LSAMP: variants seen among roughly 807,000 people sequenced by gnomAD.
The protein encoded by LSAMP is limbic system associated membrane protein, also known as limbic system-associated membrane protein.
In LSAMP, 7 loss-of-function variants were observed where a neutral mutation model predicts 38.6. That is an observed-to-expected ratio of 0.18 (90% CI 0.10 to 0.34). The LOEUF is 0.34. Ranked by LOEUF, LSAMP falls within the 10% of genes least tolerant of loss-of-function variation. The pLI is 1.00. For missense variants in LSAMP, 313 were observed against 420.0 expected, an observed-to-expected ratio of 0.75 and a Z score of 2.23; for synonymous variants, 154 against 166.8, an observed-to-expected ratio of 0.92 and a Z score of 0.59.
At chr3:116,057,031 A>T (rs1323042514) in intron 2 of LSAMP, among the ~76,000 whole-genome samples, 1 of 152,134 alleles carries the variant, frequency 6.6e-6, no homozygotes, top group African/African-American at 2.4e-5. Flanking sequence ...TGAGGTTTGC[A>T]TATATCATTT....
chr3:116,175,999 T>A (rs879517112), intron 1 of LSAMP, among the ~76,000 whole-genome samples: 4 of 152,116 alleles, frequency 2.6e-5, no homozygotes, highest in Non-Finnish European at 5.9e-5. Context: ...GTAGAGGAGC[T>A]TTGGAGGTCA....
intron 1 of LSAMP, among the ~76,000 whole-genome samples, chr3:116,428,260 C>T (rs1054608038): frequency 6.6e-6 from 1 of 152,030 alleles, no homozygotes; most frequent in Admixed American, 6.6e-5. Context: ...GAGATCAAGA[C>T]CATCCTGGCC....
rs908346610 is a variant in LSAMP at position 115,808,367 on chromosome 3, C to T, written c.*1950G>A. 1.3e-5 allele frequency: 2 copies of T among 151,970 alleles called. No homozygotes were observed. The highest frequency in any genetic ancestry group is 4.8e-5 in the African/African-American group (2 of 41,350). 9.4% of individuals were successfully genotyped at this position (151,970 alleles called of 1,614,324 possible). Reference sequence around the variant, plus strand: ...CTCATGAACTGAACCACTTTCAGTGCTTACTACTGTGTAAGTGAGAGCAAG... The same window carrying T: ...CTCATGAACTGAACCACTTTCAGTGTTTACTACTGTGTAAGTGAGAGCAAG... On this transcript the variant is annotated 3_prime_UTR_variant, in exon 7 of 7. Transcript: ENST00000490035.
At chr3:116,401,225 C>A (rs2048837427) in intron 1 of LSAMP, among the ~76,000 whole-genome samples, 1 of 152,146 alleles carries the variant, frequency 6.6e-6, no homozygotes, top group Admixed American at 6.6e-5. Flanking sequence ...AACTTGTTGC[C>A]CAGGCTGTAT....
intron 3 of LSAMP, among the ~76,000 whole-genome samples, chr3:115,959,467 G>GA (rs1322335178): frequency 2.0e-5 from 3 of 152,160 alleles, no homozygotes; most frequent in Admixed American, 6.5e-5. Flanking sequence ...ACTTTGGTTG[G>GA]AAAAATTGAG....
intron 1 of LSAMP, among the ~76,000 whole-genome samples, chr3:116,143,732 G>C (rs925211108): frequency 6.6e-6 from 1 of 151,792 alleles, no homozygotes; most frequent in East Asian, 1.9e-4. Flanking sequence ...CAAAAAAGTA[G>C]CTTCTGAATT....
chr3:116,031,538 C>CTTTTTTTTTTTTTTTTTTTTTTTT (rs56951507), intron 2 of LSAMP, among the ~76,000 whole-genome samples: 2 of 60,238 alleles, frequency 3.3e-5, no homozygotes, highest in Non-Finnish European at 6.3e-5. Context: ...AGCCTAAATT[C>CTTTTTTTTTTTTTTTTTTTTTTTT]TTTTTTTTTT....
At chr3:116,385,134 A>G (rs554283168) in intron 1 of LSAMP, among the ~76,000 whole-genome samples, 2 of 152,026 alleles carry the variant, frequency 1.3e-5, no homozygotes, top group Non-Finnish European at 2.9e-5. Context: ...AAGAGAAAGA[A>G]GGCGAAAAGG....
intron 3 of LSAMP, among the ~76,000 whole-genome samples, chr3:115,970,832 G>A (rs1186662691): frequency 3.9e-5 from 6 of 152,134 alleles, no homozygotes; most frequent in African/African-American, 1.2e-4. Flanking sequence ...CAGGTGGAGC[G>A]CACGAGAGAA....
At chr3:116,442,865 C>CA (rs1464386752) in intron 1 of LSAMP, among the ~76,000 whole-genome samples, 2 of 152,140 alleles carry the variant, frequency 1.3e-5, no homozygotes, top group Non-Finnish European at 2.9e-5. Context: ...CATAGACATA[C>CA]AAAAGCACAT....
intron 2 of LSAMP, among the ~76,000 whole-genome samples, chr3:116,043,023 C>T (rs1346201441): frequency 6.6e-6 from 1 of 152,040 alleles, no homozygotes; most frequent in Non-Finnish European, 1.5e-5. Context: ...AAATTTTGGG[C>T]TAGATAATTA....
chr3:116,397,991 G>C (rs2048790921), intron 1 of LSAMP, among the ~76,000 whole-genome samples: 1 of 151,060 alleles, frequency 6.6e-6, no homozygotes, highest in Non-Finnish European at 1.5e-5. Flanking sequence ...GTCTTTTATG[G>C]GAATATTTAA....
At chr3:116,064,625 A>G (rs1405940591) in intron 2 of LSAMP, among the ~76,000 whole-genome samples, 1 of 152,250 alleles carries the variant, frequency 6.6e-6, no homozygotes, top group African/African-American at 2.4e-5. Flanking sequence ...AGATACAATT[A>G]AAATGAAAAC....
At chr3:115,868,044 C>G (rs1217986231) in intron 3 of LSAMP, among the ~76,000 whole-genome samples, 6 of 152,066 alleles carry the variant, frequency 3.9e-5, no homozygotes, top group Non-Finnish European at 5.9e-5. Context: ...TATTCCTAGT[C>G]CTAATATAGT....
intron 1 of LSAMP, among the ~76,000 whole-genome samples, chr3:116,227,623 T>TA (rs2107623583): frequency 6.6e-6 from 1 of 152,056 alleles, no homozygotes; most frequent in East Asian, 1.9e-4. Flanking sequence ...CATTTTTTTT[T>TA]ATCTCTCCTC....
intron 3 of LSAMP, among the ~76,000 whole-genome samples, chr3:115,954,962 T>G (rs1938407221): frequency 6.6e-6 from 1 of 151,190 alleles, no homozygotes; most frequent in African/African-American, 2.4e-5. Context: ...TGTTTTTGTT[T>G]TTTTTTTTTT....
intron 3 of LSAMP, among the ~76,000 whole-genome samples, chr3:115,922,542 T>C (rs1937406716): frequency 6.6e-6 from 1 of 152,192 alleles, no homozygotes; most frequent in Non-Finnish European, 1.5e-5. Flanking sequence ...ATTCATATAC[T>C]TCCATTTTTA....
At chr3:116,125,927 C>T (rs144084718) in intron 1 of LSAMP, among the ~76,000 whole-genome samples, 9 of 152,280 alleles carry the variant, frequency 5.9e-5, no homozygotes, top group East Asian at 5.8e-4. Context: ...TTCCTTCACA[C>T]GTTAAGAGAT....
intron 1 of LSAMP, among the ~76,000 whole-genome samples, chr3:116,275,612 C>T (rs1243322046): frequency 2.0e-5 from 3 of 152,120 alleles, no homozygotes; most frequent in Non-Finnish European, 4.4e-5. Context: ...TCATAGACTG[C>T]TGCAGAAAAA....
Sources: allele counts gnomAD v4.1 joint callset (sites outside exome capture counted in the v4.1 genomes callset), GRCh38; gene constraint gnomAD v4.1.1; transcripts MANE v1.5; gene names NCBI Gene and HGNC (gene_info 2026-07-23, HGNC 2026-07-21).